VAPB: variants seen among roughly 807,000 people sequenced by gnomAD.
The protein encoded by VAPB is vesicle-associated membrane protein-associated protein B/C.
Under a neutral mutation model 25.6 loss-of-function variants are expected in VAPB, and 7 were observed. The ratio of observed to expected loss-of-function variants is 0.27; its 90% CI spans 0.16 to 0.51. The LOEUF (loss-of-function observed/expected upper bound fraction) is 0.51. Among genes scored for constraint, VAPB ranks in the 20% least tolerant of loss-of-function variants. VAPB has a pLI of 0.97. For missense variants in VAPB, 266 were observed against 301.3 expected (o/e 0.88, Z 0.87); for synonymous variants, 112 against 109.2 (o/e 1.03, Z -0.16).
intron 1 of VAPB, among the ~76,000 whole-genome samples, chr20:58,392,013 A>G (rs1404356511): frequency 2.0e-5 from 3 of 151,680 alleles, no homozygotes; most frequent in South Asian, 2.1e-4. Flanking sequence ...CTTTCTGAAA[A>G]CCCCCAAATC....
chr20:58,414,297 A>G lies in VAPB; in HGVS notation c.59-3914A>G, dbSNP rs1408172737. Among the ~76,000 whole-genome samples, 3 of 131,158 alleles carry G rather than the reference A, an allele frequency of 2.3e-5. No homozygotes were observed. The East Asian group carries it at 7.6e-4, about 33-fold the overall frequency. The allele number at this position is 131,158 out of a possible 152,430, so 86.0% of individuals were successfully genotyped here. On this transcript the variant is annotated intron_variant, in intron 1 of 5. Coordinates refer to ENST00000475243, the MANE Select transcript of VAPB (RefSeq NM_004738.5). The stretch of plus-strand genomic sequence containing the variant: ...GCTGACCCCCCCACCTCCCTCCCGG[A>G]TGGGGCTGCTGGCCTGGCGGGGGGC...
intron 1 of VAPB, among the ~76,000 whole-genome samples, chr20:58,394,129 G>A (rs1987888385): frequency 6.6e-6 from 1 of 152,206 alleles, no homozygotes; most frequent in Non-Finnish European, 1.5e-5. Context: ...CCTGCCATTA[G>A]TAGGGATCTC....
At chr20:58,420,534 T>C (rs1384442614) in intron 2 of VAPB, among the ~76,000 whole-genome samples, 1 of 152,198 alleles carries the variant, frequency 6.6e-6, no homozygotes, top group Non-Finnish European at 1.5e-5. Context: ...CAGTGCTCTT[T>C]CTGTCATACT....
rs115932469 is a variant in VAPB, at chr20:58,450,813, T to G, written c.*6578T>G. ...TTTATGTATTTTTCATTGTATTTGC[T>G]GTTTTGACATGGAAGTAATTTAAAA... On this transcript the variant is annotated 3_prime_UTR_variant, in exon 6 of 6. Coordinates refer to ENST00000475243, the MANE Select transcript of VAPB (RefSeq NM_004738.5). 7.4e-4 allele frequency: 335 copies of G among 454,170 alleles called. No homozygotes were observed. The highest frequency in any genetic ancestry group is 4.2e-3 in the Middle Eastern group (6 of 1,444). The allele number at this position is 454,170 out of a possible 1,614,324, so 28.1% of individuals were successfully genotyped here. A position where few individuals can be genotyped will look rare whatever the true frequency, so the allele number is the denominator to read the frequency against.
chr20:58,416,647 A>G (rs1191629780), intron 1 of VAPB, among the ~76,000 whole-genome samples: 2 of 152,184 alleles, frequency 1.3e-5, no homozygotes, highest in Non-Finnish European at 2.9e-5. Context: ...TTTCAAAATA[A>G]GTCTCATAGC....
chr20:58,412,175 T>C (rs745629574), intron 1 of VAPB, among the ~76,000 whole-genome samples: 1 of 152,224 alleles, frequency 6.6e-6, no homozygotes, highest in Non-Finnish European at 1.5e-5. Context: ...TAAGTAGTCA[T>C]CTCCAAATCC....
At position 58,389,302 on chromosome 20, in the gene VAPB, AC is replaced by A. The variant is rs546898989; in HGVS notation, c.-149del. ...CCCTGCGCCTGCACCGCGTAGACCG[AC>A]CCCCCCCCAGCGCGCCCACCCGGTA... is the stretch of plus-strand genomic sequence containing the variant. On this transcript the variant is annotated 5_prime_UTR_variant, in exon 1 of 6. Coordinates refer to ENST00000475243, the MANE Select transcript of VAPB (RefSeq NM_004738.5). 1,177 of 390,658 alleles carry A rather than the reference AC, an allele frequency of 3.0e-3. 1 individual carries two copies. The highest frequency in any genetic ancestry group is 6.1e-3 in the East Asian group (69 of 11,388). 24.2% of individuals were successfully genotyped at this position (390,658 alleles called of 1,614,324 possible). A position where few individuals can be genotyped will look rare whatever the true frequency, so the allele number is the denominator to read the frequency against.
At chr20:58,424,158 A>C (rs1356437134) in intron 2 of VAPB, among the ~76,000 whole-genome samples, 1 of 152,146 alleles carries the variant, frequency 6.6e-6, no homozygotes, top group Non-Finnish European at 1.5e-5. Context: ...AAGTTTTAAG[A>C]AGCCAAAAGT....
chr20:58,433,812 A>G (rs1368961631), intron 2 of VAPB, among the ~76,000 whole-genome samples: 7 of 152,232 alleles, frequency 4.6e-5, no homozygotes, highest in Admixed American at 4.6e-4. Context: ...CTGCATGTGA[A>G]GTTGTCTCAG....
intron 3 of VAPB, among the ~76,000 whole-genome samples, chr20:58,437,139 A>AT (rs1302693635): frequency 6.7e-6 from 1 of 149,954 alleles, no homozygotes; most frequent in African/African-American, 2.5e-5. Context: ...CTATTTTTTT[A>AT]TTTTTTTATA....
intron 1 of VAPB, among the ~76,000 whole-genome samples, chr20:58,417,501 G>A (rs1377313328): frequency 6.6e-6 from 1 of 152,156 alleles, no homozygotes; most frequent in Non-Finnish European, 1.5e-5. Context: ...ATAAATAATA[G>A]TAATAAAAAG....
intron 2 of VAPB, among the ~76,000 whole-genome samples, chr20:58,426,148 G>A (rs146845627): frequency 0.057 from 8,685 of 152,078 alleles, 393 homozygotes; most frequent in Non-Finnish European, 0.085. Flanking sequence ...TGCCTACCTC[G>A]GCCTCCCAAA....
At chr20:58,411,501 C>G (rs373857781) in intron 1 of VAPB, among the ~76,000 whole-genome samples, 1 of 152,246 alleles carries the variant, frequency 6.6e-6, no homozygotes, top group East Asian at 1.9e-4. Context: ...AAGCTGGTCT[C>G]GAATTCCTGA....
Position 58,447,765 on chromosome 20 carries a change from T to G in VAPB, c.*3530T>G. On this transcript the variant is annotated 3_prime_UTR_variant, in exon 6 of 6. Coordinates refer to ENST00000475243, the MANE Select transcript of VAPB (RefSeq NM_004738.5). Reference sequence around the variant, plus strand: ...TTTTGCATACACAAATTTTTGTGTTTGCAAACTCAGAATCCATGCCAAAAT... The same window carrying G: ...TTTTGCATACACAAATTTTTGTGTTGGCAAACTCAGAATCCATGCCAAAAT... The G allele has an allele frequency of 2.2e-6, 1 of 453,888 alleles. No individual in the cohort carries two copies. 28.1% of individuals were successfully genotyped at this position (453,888 alleles called of 1,614,324 possible).
chr20:58,441,034 G>A lies in VAPB; in HGVS notation c.524G>A (p.Arg175Lys), dbSNP rs1279505552. 2.5e-6 allele frequency: 4 copies of A among 1,613,984 alleles called. No homozygotes were observed. The highest frequency in any genetic ancestry group is 3.4e-6 in the Non-Finnish European group (4 of 1,180,024). The change falls in exon 5 of 6, where the codon AGG (arginine) becomes AAG (lysine). Residue 175 changes from arginine to lysine, a missense_variant. This residue lies in a region of VAPB where 136 missense variants were observed against 130.7 expected (regional missense o/e 1.04). Coordinates refer to ENST00000475243, the MANE Select transcript of VAPB (RefSeq NM_004738.5). Reference sequence around the variant, plus strand: ...AAGAAGGTTATGGAAGAATGTAAGAGGCTGCAAGGTGAAGTTCAGAGGCTA... The same window carrying A: ...AAGAAGGTTATGGAAGAATGTAAGAAGCTGCAAGGTGAAGTTCAGAGGCTA... ...EVKKVMEECK[R>K]LQGEVQRLRE... is the part of the protein sequence containing the mutation.
intron 1 of VAPB, among the ~76,000 whole-genome samples, chr20:58,412,976 A>C (rs952237562): frequency 6.6e-6 from 1 of 152,194 alleles, no homozygotes; most frequent in East Asian, 1.9e-4. Flanking sequence ...CAACACCTGG[A>C]ACCTGACCTC....
chr20:58,428,293 G>A (rs903932753), intron 2 of VAPB, among the ~76,000 whole-genome samples: 2 of 151,710 alleles, frequency 1.3e-5, no homozygotes, highest in Non-Finnish European at 2.9e-5. Flanking sequence ...GTAGTGACCT[G>A]GCTTCCAGGC....
intron 1 of VAPB, among the ~76,000 whole-genome samples, chr20:58,410,665 C>G (rs925941004): frequency 1.3e-5 from 2 of 152,062 alleles, no homozygotes; most frequent in Non-Finnish European, 2.9e-5. Flanking sequence ...GATCCGCCCC[C>G]CCGCCCCACT....
chr20:58,431,545 CCTTAT>C (rs1988926546), intron 2 of VAPB: 1 of 150,686 alleles, frequency 6.6e-6, no homozygotes, highest in South Asian at 2.1e-4. Context: ...CTTTCTGAGC[CCTTAT>C]CTTGTTTGTT....
Sources: gnomAD v4.1 joint callset for allele counts (sites outside exome capture counted in the v4.1 genomes callset) on GRCh38, gnomAD v4.1.1 for gene constraint, gnomAD v4.1.1 regional missense constraint, MANE v1.5 for transcripts, NCBI Gene and HGNC (gene_info 2026-07-23, HGNC 2026-07-21) for gene names.